The following GRIK2 variants were observed in gnomAD, a reference collection of about 807,000 sequenced individuals.
GRIK2 encodes the protein glutamate ionotropic receptor kainate type subunit 2.
GRIK2 carries 32 observed loss-of-function variants against 100.3 expected under a neutral mutation model. That is an observed-to-expected ratio of 0.32 (90% CI 0.24 to 0.43). The LOEUF (loss-of-function observed/expected upper bound fraction) is 0.43, where lower values mean the gene tolerates loss of function less well. Ranked by LOEUF, GRIK2 falls within the 20% of genes least tolerant of loss-of-function variation. The pLI is 1.00. For synonymous variants in GRIK2, 417 were observed against 389.4 expected (o/e 1.07, Z -0.83); for missense variants, 843 against 1,114.9 (o/e 0.76, Z 3.47).
intron 10 of GRIK2, among the ~76,000 whole-genome samples, chr6:101,857,690 A>C (rs1471957300): frequency 6.6e-6 from 1 of 152,214 alleles, no homozygotes; most frequent in African/African-American, 2.4e-5. Context: ...TAGCAGAACC[A>C]ATTGTTGCAC....
At chr6:101,501,564 C>G (rs944800485) in intron 2 of GRIK2, among the ~76,000 whole-genome samples, 1 of 152,150 alleles carries the variant, frequency 6.6e-6, no homozygotes, top group Non-Finnish European at 1.5e-5. Flanking sequence ...GCTTTACATT[C>G]AAATTGACAA....
At chr6:101,736,102 T>G (rs988569164) in intron 7 of GRIK2, among the ~76,000 whole-genome samples, 2 of 152,138 alleles carry the variant, frequency 1.3e-5, no homozygotes, top group African/African-American at 4.8e-5. Context: ...ATCCAGGTCA[T>G]GTTGATGTAA....
At chr6:101,524,197 A>G (rs1775030520) in intron 2 of GRIK2, among the ~76,000 whole-genome samples, 3 of 152,174 alleles carry the variant, frequency 2.0e-5, no homozygotes, top group Admixed American at 2.0e-4. Context: ...CTTTATGTTG[A>G]GAAAGGGTGT....
At chr6:101,803,770 C>T (rs1242993806) in intron 9 of GRIK2, among the ~76,000 whole-genome samples, 2 of 151,892 alleles carry the variant, frequency 1.3e-5, no homozygotes, top group East Asian at 3.9e-4. Flanking sequence ...ACCATAGATC[C>T]ATTCCTGTCT....
At position 101,778,185 on chromosome 6, in the gene GRIK2, A is replaced by G. The variant is rs959421256; in HGVS notation, c.952-21463A>G. On this transcript the variant is annotated intron_variant, in intron 7 of 16. Coordinates refer to ENST00000369134, the MANE Select transcript of GRIK2 (RefSeq NM_021956.5). ...AGGAAAAACAAAAGGCAAGAAAAAT[A>G]TAAACAGTTTTATTAAAACTAGAAT... 3.9e-4 allele frequency among the ~76,000 whole-genome samples: 59 copies of G among 152,212 alleles called. 1 individual carries two copies. Among genetic ancestry groups the G allele is most frequent in the Non-Finnish European group, 2.9e-5 (2 of 68,028 alleles).
chr6:101,712,656 A>G, intron 7 of GRIK2, among the ~76,000 whole-genome samples: 1 of 151,922 alleles, frequency 6.6e-6, no homozygotes, highest in Middle Eastern at 3.4e-3. Context: ...CAAAGTGCTT[A>G]TGAGAAAGAA....
chr6:101,589,586 A>G (rs1161100572), intron 2 of GRIK2, among the ~76,000 whole-genome samples: 1 of 152,118 alleles, frequency 6.6e-6, no homozygotes, highest in African/African-American at 2.4e-5. Context: ...ATTTCACTTA[A>G]CATAATGTCC....
At chr6:101,608,229 A>G in intron 2 of GRIK2, among the ~76,000 whole-genome samples, 1 of 151,904 alleles carries the variant, frequency 6.6e-6, no homozygotes. Flanking sequence ...ATCACTATAC[A>G]ATATTTCCTA....
chr6:101,926,290 G>T (rs1220199014), intron 13 of GRIK2, among the ~76,000 whole-genome samples: 1 of 145,188 alleles, frequency 6.9e-6, no homozygotes, highest in Non-Finnish European at 1.5e-5. Context: ...GAATGAAAAA[G>T]CCCGTCATAT....
intron 2 of GRIK2, among the ~76,000 whole-genome samples, chr6:101,592,617 ATATATATT>A (rs938924083): frequency 3.5e-5 from 4 of 115,606 alleles, no homozygotes; most frequent in Admixed American, 8.4e-5. Flanking sequence ...ATATATATAT[ATATATATT>A]GCTTTTTCAC....
At chr6:101,458,833 G>A (rs879865686) in intron 2 of GRIK2, among the ~76,000 whole-genome samples, 2 of 152,144 alleles carry the variant, frequency 1.3e-5, no homozygotes, top group Admixed American at 6.5e-5. Flanking sequence ...CTCATTTCAT[G>A]AGGCCAAAGA....
chr6:101,500,098 T>C (rs1261686280), intron 2 of GRIK2, among the ~76,000 whole-genome samples: 5 of 152,146 alleles, frequency 3.3e-5, no homozygotes, highest in Non-Finnish European at 7.4e-5. Flanking sequence ...AGTGAAATGC[T>C]TTGACACAGG....
chr6:101,680,221 C>T (rs951397413), intron 5 of GRIK2, among the ~76,000 whole-genome samples: 3 of 152,160 alleles, frequency 2.0e-5, no homozygotes. Flanking sequence ...AAATCATCTT[C>T]TTCTCCACCA....
At position 102,021,997 on chromosome 6, in the gene GRIK2, T is replaced by G. The variant is rs1278068923; in HGVS notation, c.2086-13344T>G. Among the ~76,000 whole-genome samples the G allele has an allele frequency of 2.7e-5, 4 of 150,528 alleles. No individual in the cohort carries two copies. The East Asian group carries it at 7.8e-4, about 29-fold the overall frequency. Reference sequence around the variant, plus strand: ...TGGATATAAATATGCAAAAATTTTATTTTTAGAAGGGTAGATTTAGATATT... The same window carrying G: ...TGGATATAAATATGCAAAAATTTTAGTTTTAGAAGGGTAGATTTAGATATT... On this transcript the variant is annotated intron_variant, in intron 14 of 16. Coordinates refer to ENST00000369134, the MANE Select transcript of GRIK2 (RefSeq NM_021956.5).
rs571177027 is a variant in GRIK2, at chr6:101,912,046, GCA to G, written c.1749-12522_1749-12521del. ...AGCTTTAGTGATTACCAGGGGCAAC[GCA>G]CACACACACACACACACACACACAC... On this transcript the variant is annotated intron_variant, in intron 12 of 16. Coordinates refer to ENST00000369134, the MANE Select transcript of GRIK2 (RefSeq NM_021956.5). 2.5e-3 allele frequency among the ~76,000 whole-genome samples: 155 copies of G among 62,892 alleles called. 5 individuals are homozygous for G. The East Asian group carries it at 0.089, about 36-fold the overall frequency. 41.3% of individuals were successfully genotyped at this position (62,892 alleles called of 152,430 possible).
At chr6:102,015,782 C>T (rs1236818131) in intron 14 of GRIK2, among the ~76,000 whole-genome samples, 2 of 152,182 alleles carry the variant, frequency 1.3e-5, no homozygotes, top group African/African-American at 2.4e-5. Context: ...AGCACTTCAC[C>T]GCCTCCAGCA....
intron 7 of GRIK2, among the ~76,000 whole-genome samples, chr6:101,787,645 T>C (rs1225729955): frequency 6.6e-6 from 1 of 152,258 alleles, no homozygotes; most frequent in East Asian, 1.9e-4. Context: ...TATTTTTTTG[T>C]TTATTGTGGT....
At chr6:101,431,179 G>A (rs139230179) in intron 2 of GRIK2, 475 of 219,594 alleles carry the variant, frequency 2.2e-3, no homozygotes, top group Non-Finnish European at 3.9e-3. Flanking sequence ...ACCACATGCA[G>A]CTCATTGCAG....
At position 101,930,070 on chromosome 6, in the gene GRIK2, G is replaced by A. The variant is rs141230988; in HGVS notation, c.2085+1438G>A. On this transcript the variant is annotated intron_variant, in intron 14 of 16. Coordinates refer to ENST00000369134, the MANE Select transcript of GRIK2 (RefSeq NM_021956.5). ...AGAAATAAGCTGCTAGGCCAGGCACGTTGGCTCGTGCCTGTAATCTCAGCA... is the reference window on the plus strand; with the variant it reads ...AGAAATAAGCTGCTAGGCCAGGCACATTGGCTCGTGCCTGTAATCTCAGCA... 4.9e-4 allele frequency among the ~76,000 whole-genome samples: 75 copies of A among 152,182 alleles called. 1 individual carries two copies. In the East Asian group the frequency reaches 0.013, roughly 26 times the overall value.
Sources: allele counts gnomAD v4.1 joint callset (sites outside exome capture counted in the v4.1 genomes callset), GRCh38; gene constraint gnomAD v4.1.1; transcripts MANE v1.5; gene names NCBI Gene and HGNC (gene_info 2026-07-23, HGNC 2026-07-21).